POM121: variants seen among roughly 807,000 people sequenced by gnomAD.
POM121 encodes POM121 transmembrane nucleoporin.
In POM121, 32 loss-of-function variants were observed where a neutral mutation model predicts 81.3. The ratio of observed to expected loss-of-function variants is 0.39; its 90% CI spans 0.30 to 0.53. The LOEUF (loss-of-function observed/expected upper bound fraction) is 0.53. Among genes scored for constraint, POM121 ranks in the 20% least tolerant of loss-of-function variants. The pLI is 0.66. For synonymous variants in POM121, 514 were observed against 694.2 expected (o/e 0.74, Z 4.08); for missense variants, 1,138 against 1,614.6 (o/e 0.70, Z 5.06).
At position 72,942,927 on chromosome 7, in the gene POM121, G is replaced by A. The variant is rs782091001; in HGVS notation, c.2934G>A (p.Gln978=). ...PQPAFGAAEG[Q]PPGAAKPALA... ...CCGCATTTGGGGCCGCTGAGGGGCA[G>A]CCACCGGGGGCCGCCAAGCCGGCCC... Residue 978 remains glutamine, a synonymous_variant, in exon 11 of 13, where the codon CAG becomes CAA. Transcript: ENST00000434423. The A allele has an allele frequency of 1.1e-5, 17 of 1,602,536 alleles. No individual in the cohort carries two copies. Among genetic ancestry groups the A allele is most frequent in the Non-Finnish European group, 1.3e-5 (15 of 1,174,970 alleles).
intron 1 of POM121, among the ~76,000 whole-genome samples, chr7:72,886,247 C>T (rs1395039122): frequency 1.3e-5 from 2 of 152,010 alleles, no homozygotes; most frequent in Admixed American, 6.6e-5. Context: ...TATCTTGGCC[C>T]ACTGCAACCT....
At chr7:72,916,135 A>G (rs1554495047) in intron 4 of POM121, among the ~76,000 whole-genome samples, 1 of 152,160 alleles carries the variant, frequency 6.6e-6, no homozygotes, top group Non-Finnish European at 1.5e-5. Flanking sequence ...GTTCACTCTG[A>G]TGCTAGTTTC....
chr7:72,923,124 C>CT (rs1239454465), upstream of POM121, among the ~76,000 whole-genome samples: 24 of 132,228 alleles, frequency 1.8e-4, 1 homozygote, highest in African/African-American at 2.8e-4. Context: ...CCCCCCCCCC[C>CT]TTTTTTTTTC....
upstream of POM121, chr7:72,924,919 T>G: frequency 2.2e-6 from 2 of 925,674 alleles, no homozygotes; most frequent in South Asian, 5.6e-5. Flanking sequence ...GATGTGGCGC[T>G]GGGAGCCACG....
At chr7:72,927,401 C>G (rs1427189302) in intron 3 of POM121, among the ~76,000 whole-genome samples, 3 of 152,114 alleles carry the variant, frequency 2.0e-5, no homozygotes, top group Admixed American at 6.5e-5. Flanking sequence ...GTAGATTTAT[C>G]AGTAATGAGG....
At chr7:72,948,905 G>C (rs1586203173), downstream of POM121, 1 of 1,612,424 alleles carries the variant, frequency 6.2e-7, no homozygotes. Context: ...AAGGCGCCCG[G>C]GTTCTGCTGC....
rs1426627745 is a variant in POM121 at position 72,925,562 on chromosome 7, G to A, written c.441G>A (p.Pro147=). The part of the protein sequence containing the change: ...MGSYLGKPGP[P]QPAAAPEGQD... ...GTTACCTGGGCAAGCCCGGGCCGCCGCAGCCCGCCGCCGCTCCGGAGGGCC... is the reference window on the plus strand; with the variant it reads ...GTTACCTGGGCAAGCCCGGGCCGCCACAGCCCGCCGCCGCTCCGGAGGGCC... Residue 147 remains proline, a synonymous_variant, in exon 1 of 13, where the codon CCG becomes CCA. Coordinates refer to ENST00000434423, the MANE Select transcript of POM121 (RefSeq NM_001387691.1). The A allele has an allele frequency of 4.6e-6, 7 of 1,523,312 alleles. No homozygotes were observed. Among genetic ancestry groups the A allele is most frequent in the Non-Finnish European group, 5.3e-6 (6 of 1,140,680 alleles). The allele number at this position is 1,523,312 out of a possible 1,614,324, so 94.4% of individuals were successfully genotyped here.
Position 72,897,997 on chromosome 7 carries a change from CA to C in POM121, c.-216+6889del, listed in dbSNP as rs781855916. Among the ~76,000 whole-genome samples the C allele has an allele frequency of 3.3e-5, 5 of 151,968 alleles. No homozygotes were observed. In the East Asian group the frequency reaches 7.7e-4, roughly 23 times the overall value. On this transcript the variant is annotated intron_variant, in intron 3 of 15. Transcript: ENST00000395270. The stretch of plus-strand genomic sequence containing the variant: ...TCACGCCACTGCACTCCAGCCTGGG[CA>C]ACAGAGCAAGACCCTGTCTAGGAAA...
chr7:72,925,167 C>G lies in POM121; in HGVS notation c.46C>G (p.Pro16Ala). Residue 16 changes from proline to alanine, a missense_variant, in exon 1 of 13, where the codon CCC (proline) becomes GCC (alanine). Around this residue, in one of 7 missense-constraint regions of POM121, gnomAD observed 646 missense variants for 633.5 expected, o/e 1.02. Transcript: ENST00000434423. ...GGCTGGAGCAGGCGAGCGGCGGCGGCCCATAGCGAGTGTCAGGGACGGCCG... is the reference window on the plus strand; with the variant it reads ...GGCTGGAGCAGGCGAGCGGCGGCGGGCCATAGCGAGTGTCAGGGACGGCCG... The part of the protein sequence containing the change: ...AAAGAGERRR[P>A]IASVRDGRGR... The G allele has an allele frequency of 5.3e-6, 8 of 1,501,300 alleles. No individual in the cohort carries two copies. The highest frequency in any genetic ancestry group is 7.1e-6 in the Non-Finnish European group (8 of 1,133,390). 93.0% of individuals were successfully genotyped at this position (1,501,300 alleles called of 1,614,324 possible). A position where few individuals can be genotyped will look rare whatever the true frequency, so the allele number is the denominator to read the frequency against.
At chr7:72,915,748 C>A (rs1586125064) in intron 4 of POM121, among the ~76,000 whole-genome samples, 1 of 152,360 alleles carries the variant, frequency 6.6e-6, no homozygotes, top group East Asian at 1.9e-4. Context: ...TCCAGGCTCA[C>A]TGCAACCTCC....
At chr7:72,900,427 G>A (rs192641320) in intron 3 of POM121, among the ~76,000 whole-genome samples, 23 of 149,800 alleles carry the variant, frequency 1.5e-4, no homozygotes, top group Non-Finnish European at 2.1e-4. Context: ...TGATCTTTTC[G>A]AAGAGCCAAC....
At chr7:72,925,981 C>G (rs1334337190) in intron 1 of POM121, among the ~76,000 whole-genome samples, 1 of 152,116 alleles carries the variant, frequency 6.6e-6, no homozygotes, top group East Asian at 1.9e-4. Context: ...CTTTCCAGTT[C>G]TAAAAACTCC....
chr7:72,948,918 C>T (rs190429081), downstream of POM121: 958 of 1,612,574 alleles, frequency 5.9e-4, 15 homozygotes, highest in South Asian at 8.6e-3. Context: ...TCTGCTGCAG[C>T]GCATCTTGTA....
At chr7:72,945,291 C>T (rs1214358031) in intron 11 of POM121, among the ~76,000 whole-genome samples, 1 of 152,050 alleles carries the variant, frequency 6.6e-6, no homozygotes, top group African/African-American at 2.4e-5. Context: ...GCGGGGGCCC[C>T]AGAGTACTCC....
chr7:72,939,459 T>G (rs1307675048), intron 7 of POM121, 50 bp downstream of exon 7: 1 of 1,608,726 alleles, frequency 6.2e-7, no homozygotes, highest in Admixed American at 1.7e-5. Context: ...TGGAGGTGTT[T>G]GTGGAGGATG....
chr7:72,920,472 C>T (rs1424909742), upstream of POM121, among the ~76,000 whole-genome samples: 1 of 151,692 alleles, frequency 6.6e-6, no homozygotes, highest in Non-Finnish European at 1.5e-5. Context: ...CCTCAGCCTC[C>T]CGAGTAGCTG....
Position 72,948,131 on chromosome 7 carries a change from A to G in POM121, c.*1897A>G. The G allele has an allele frequency of 7.1e-7, 1 of 1,405,068 alleles. No homozygotes were observed. The highest frequency in any genetic ancestry group is 9.2e-7 in the Non-Finnish European group (1 of 1,082,962). The allele number at this position is 1,405,068 out of a possible 1,614,324, so 87.0% of individuals were successfully genotyped here. On this transcript the variant is annotated 3_prime_UTR_variant, in exon 13 of 13. Transcript: ENST00000434423. ...AGCCGGTCCGGGAACCCTGAGTGAG[A>G]ATGAGTGTGGATGTGTACAGTACAC... is the stretch of plus-strand genomic sequence containing the variant.
downstream of POM121, chr7:72,948,643 C>G: frequency 6.2e-7 from 1 of 1,603,688 alleles, no homozygotes; most frequent in Non-Finnish European, 8.5e-7. Context: ...TCCTGCGCCT[C>G]CCAAGCATGC....
At chr7:72,886,481 C>G (rs1790733362) in intron 1 of POM121, among the ~76,000 whole-genome samples, 1 of 152,152 alleles carries the variant, frequency 6.6e-6, no homozygotes, top group Admixed American at 6.6e-5. Flanking sequence ...GCCCAGGTAT[C>G]TTTTAAAGAG....
Sources: gnomAD v4.1 joint callset for allele counts (sites outside exome capture counted in the v4.1 genomes callset) on GRCh38, gnomAD v4.1.1 for gene constraint, gnomAD v4.1.1 regional missense constraint, MANE v1.5 for transcripts, NCBI Gene and HGNC (gene_info 2026-07-23, HGNC 2026-07-21) for gene names.